The following PLEKHG7 variants were observed in gnomAD, a reference collection of about 807,000 sequenced individuals.
PLEKHG7 encodes pleckstrin homology and RhoGEF domain containing G7, also known as pleckstrin homology domain-containing family G member 7.
Under a neutral mutation model 85.2 loss-of-function variants are expected in PLEKHG7, and 77 were observed. The ratio of observed to expected loss-of-function variants is 0.90; its 90% CI spans 0.75 to 1.09. The LOEUF is 1.09. Among genes scored for constraint, PLEKHG7 ranks in the 50% least tolerant of loss-of-function variants. PLEKHG7 has a pLI of 0.00. For missense variants in PLEKHG7, 777 were observed against 804.3 expected (o/e 0.97, Z 0.41); for synonymous variants, 301 against 302.4 (o/e 1.00, Z 0.05).
intron 4 of PLEKHG7, among the ~76,000 whole-genome samples, chr12:92,730,547 CAG>C (rs746880449): frequency 1.1e-4 from 16 of 152,276 alleles, no homozygotes; most frequent in Non-Finnish European, 1.5e-4. Context: ...TTGTTTGAGA[CAG>C]AGTCTCACTC....
At chr12:92,729,445 G>C (rs886284816) in intron 4 of PLEKHG7, among the ~76,000 whole-genome samples, 2 of 148,734 alleles carry the variant, frequency 1.3e-5, no homozygotes, top group African/African-American at 5.0e-5. Flanking sequence ...TCTCTAGGCT[G>C]GTGAGTAGCT....
At position 92,756,353 on chromosome 12, in the gene PLEKHG7, G is replaced by GC. The variant is rs2136623760; in HGVS notation, c.1599dup (p.Arg534GlnfsTer6). 2 of 1,613,282 alleles carry GC rather than the reference G, an allele frequency of 1.2e-6. No homozygotes were observed. Among genetic ancestry groups the GC allele is most frequent in the Non-Finnish European group, 1.7e-6 (2 of 1,179,242 alleles). On this transcript the variant is annotated frameshift_variant, in exon 13 of 17. Coordinates refer to ENST00000344636, the MANE Select transcript of PLEKHG7 (RefSeq NM_001377329.1). LOFTEE classifies it high-confidence loss of function. ...GCAGAAAACATCTTGTCACCAACCAGCAGACACCTTCTCTATGAAGGAAAA... is the reference window on the plus strand; with the variant it reads ...GCAGAAAACATCTTGTCACCAACCAGCCAGACACCTTCTCTATGAAGGAAAA...
chr12:92,721,568 G>T (rs1871643396), intron 3 of PLEKHG7: 8 of 1,111,206 alleles, frequency 7.2e-6, no homozygotes, highest in South Asian at 4.5e-5. Flanking sequence ...ATGGTGGGTG[G>T]GGGTGGGGAA....
chr12:92,728,615 G>A (rs1871894017), intron 3 of PLEKHG7, among the ~76,000 whole-genome samples: 1 of 151,504 alleles, frequency 6.6e-6, no homozygotes, highest in Non-Finnish European at 1.5e-5. Context: ...ATATGTGTGT[G>A]TATATACCAC....
intron 9 of PLEKHG7, among the ~76,000 whole-genome samples, chr12:92,742,004 G>A (rs934485695): frequency 2.0e-5 from 3 of 152,120 alleles, no homozygotes; most frequent in Admixed American, 2.0e-4. Flanking sequence ...TATTTCTGTG[G>A]GTGAAATGAG....
chr12:92,720,474 C>T (rs1006637137), intron 3 of PLEKHG7, among the ~76,000 whole-genome samples: 1 of 152,056 alleles, frequency 6.6e-6, no homozygotes, highest in Non-Finnish European at 1.5e-5. Flanking sequence ...TACAGGCGTG[C>T]GCCACCACAT....
At position 92,737,264 on chromosome 12, in the gene PLEKHG7, A is replaced by T. The variant is rs535494020; in HGVS notation, c.796-114A>T. ...GGATGCCCAGGGTCTGAAGCAGGAA[A>T]TCATGATTTCGGGGGTTGCTTGGTC... On this transcript the variant is annotated intron_variant, in intron 6 of 16. Transcript: ENST00000344636. 659 of 949,790 alleles carry T rather than the reference A, an allele frequency of 6.9e-4. 1 individual carries two copies. Among genetic ancestry groups the T allele is most frequent in the Admixed American group, 2.0e-3 (50 of 25,048 alleles). 58.8% of individuals were successfully genotyped at this position (949,790 alleles called of 1,614,324 possible).
chr12:92,740,254 TGTAA>T (rs1176736086), intron 7 of PLEKHG7, among the ~76,000 whole-genome samples: 5 of 152,238 alleles, frequency 3.3e-5, no homozygotes, highest in Admixed American at 2.0e-4. Flanking sequence ...GCAGGCTATC[TGTAA>T]GTGAGGATTG....
chr12:92,741,562 A>C lies in PLEKHG7; in HGVS notation c.1107A>C (p.Ser369=). 1 of 1,613,256 alleles carries C rather than the reference A, an allele frequency of 6.2e-7. No homozygotes were observed. Among genetic ancestry groups the C allele is most frequent in the Non-Finnish European group, 8.5e-7 (1 of 1,179,620 alleles). Residue 369 remains serine (S), a synonymous_variant, in exon 9 of 17, where the codon TCA becomes TCC. Coordinates refer to ENST00000344636, the MANE Select transcript of PLEKHG7 (RefSeq NM_001377329.1). ...KDYVDASEIS[S]SLDFISVLTK... ...ATGTAGACGCTTCTGAGATTTCCTCATCACTGGATTTTATTTCCGTGCTCA... is the reference window on the plus strand; with the variant it reads ...ATGTAGACGCTTCTGAGATTTCCTCCTCACTGGATTTTATTTCCGTGCTCA...
In PLEKHG7 at chr12:92,732,252, G is replaced by A. The variant is rs773262956; in HGVS notation, c.678G>A (p.Trp226Ter). Residue 226 changes from tryptophan (W) to a stop codon, truncating the protein, a stop_gained, in exon 5 of 17, where the codon TGG becomes TGA. Transcript: ENST00000344636. LOFTEE classifies it high-confidence loss of function. ...LLNSESKKPR[W>*]PFSKRGVGKD... ...ACCCAGAATCCAAAAAGCCAAGATG[G>A]CCTTTCTCCAAAAGAGGAGTGGTAA... 2 of 1,231,462 alleles carry A rather than the reference G, an allele frequency of 1.6e-6. No individual in the cohort carries two copies. Among genetic ancestry groups the A allele is most frequent in the Non-Finnish European group, 2.0e-6 (2 of 987,432 alleles). 76.3% of individuals were successfully genotyped at this position (1,231,462 alleles called of 1,614,324 possible).
chr12:92,743,633 C>T (rs1260343956), intron 9 of PLEKHG7, among the ~76,000 whole-genome samples: 2 of 152,174 alleles, frequency 1.3e-5, no homozygotes, highest in East Asian at 3.9e-4. Context: ...GATCTCAGCT[C>T]ATGGCAACTT....
rs142190756 is a variant in PLEKHG7 at position 92,710,798 on chromosome 12, G to T, written c.530+3126G>T. On this transcript the variant is annotated intron_variant, in intron 3 of 16. Transcript: ENST00000344636. ...CCATCCCTACCACCATGGCTACTTT[G>T]TTCATGGGCCCATCGGGCAATGACA... is the stretch of plus-strand genomic sequence containing the variant. Among the ~76,000 whole-genome samples the T allele has an allele frequency of 4.2e-3, 642 of 152,334 alleles. 2 individuals carry two copies. The highest frequency in any genetic ancestry group is 0.014 in the African/African-American group (584 of 41,580).
At chr12:92,731,559 T>C (rs1871994775) in intron 4 of PLEKHG7, among the ~76,000 whole-genome samples, 1 of 152,196 alleles carries the variant, frequency 6.6e-6, no homozygotes, top group Non-Finnish European at 1.5e-5. Context: ...CATTACAACT[T>C]TATGCAAACA....
chr12:92,754,370 A>C, intron 11 of PLEKHG7, 106 bp downstream of exon 11: 1 of 1,115,596 alleles, frequency 9.0e-7, no homozygotes, highest in Non-Finnish European at 1.3e-6. Flanking sequence ...ATTTGAGGTC[A>C]TGGCTCTTGG....
chr12:92,721,169 T>A (rs1441065952), intron 3 of PLEKHG7, among the ~76,000 whole-genome samples: 1 of 152,242 alleles, frequency 6.6e-6, no homozygotes, highest in East Asian at 1.9e-4. Context: ...CAGCTGATTT[T>A]AAATTAGAAT....
chr12:92,705,330 TG>T (rs138758656), intron 1 of PLEKHG7, among the ~76,000 whole-genome samples: 2,595 of 152,352 alleles, frequency 0.017, 90 homozygotes, highest in African/African-American at 0.059. Flanking sequence ...AAAGGTTTAT[TG>T]GTTTTCAGCC....
At position 92,741,518 on chromosome 12, in the gene PLEKHG7, T is replaced by G; in HGVS notation, c.1063T>G (p.Phe355Val). The change falls in exon 9 of 17, where the codon TTT (phenylalanine) becomes GTT (valine). Residue 355 changes from phenylalanine to valine, a missense_variant. Phe to Val is a conservative substitution (Grantham distance 50). Coordinates refer to ENST00000344636, the MANE Select transcript of PLEKHG7 (RefSeq NM_001377329.1). Reference protein sequence around the residue: ...QTSLGFVNSLFGIIKDYVDAS... With the variant: ...QTSLGFVNSLVGIIKDYVDAS... ...AAGCCTTGGTTTTGTGAACAGTCTCTTTGGCATCATCAAGGACTATGTAGA... is the reference window on the plus strand; with the variant it reads ...AAGCCTTGGTTTTGTGAACAGTCTCGTTGGCATCATCAAGGACTATGTAGA... 6.2e-7 allele frequency: 1 copy of G among 1,612,838 alleles called. No individual in the cohort carries two copies. Among genetic ancestry groups the G allele is most frequent in the Non-Finnish European group, 8.5e-7 (1 of 1,179,540 alleles).
rs1178862956 is a variant in PLEKHG7 at position 92,770,767 on chromosome 12, T to C, written c.*572T>C. The C allele has an allele frequency of 1.3e-5, 2 of 151,980 alleles. No individual in the cohort carries two copies. The highest frequency in any genetic ancestry group is 4.8e-5 in the African/African-American group (2 of 41,386). 9.4% of individuals were successfully genotyped at this position (151,980 alleles called of 1,614,324 possible). On this transcript the variant is annotated 3_prime_UTR_variant, in exon 17 of 17. Coordinates refer to ENST00000344636, the MANE Select transcript of PLEKHG7 (RefSeq NM_001377329.1). ...TTCCTATTCTCAAACTCATCTCAGG[T>C]ATATAGTACTCTAACGTGGAAGTAG... is the stretch of plus-strand genomic sequence containing the variant.
intron 3 of PLEKHG7, among the ~76,000 whole-genome samples, chr12:92,723,797 CA>C (rs1160144025): frequency 6.6e-6 from 1 of 152,050 alleles, no homozygotes; most frequent in East Asian, 1.9e-4. Context: ...AGAAGCCATC[CA>C]AGAAGGGGTT....
Sources: allele counts gnomAD v4.1 joint callset (sites outside exome capture counted in the v4.1 genomes callset), GRCh38; gene constraint gnomAD v4.1.1; transcripts MANE v1.5; gene names NCBI Gene and HGNC (gene_info 2026-07-23, HGNC 2026-07-21).